Variants in ITPK1 observed in about 807,000 individuals in gnomAD.
The protein encoded by ITPK1 is inositol 1,3,4-trisphosphate 5/6-kinase.
In ITPK1, 21 loss-of-function variants were observed where a neutral mutation model predicts 45.3. The observed-to-expected ratio is 0.46, with a 90% CI of 0.33 to 0.67. ITPK1 has a LOEUF of 0.67. ITPK1 is among the 30% of genes least tolerant of loss of function. The pLI, the probability that ITPK1 is intolerant of heterozygous loss-of-function variation, is 0.02. For missense variants in ITPK1, 474 were observed against 573.5 expected, an observed-to-expected ratio of 0.83 and a Z score of 1.77; for synonymous variants, 258 against 253.6, an observed-to-expected ratio of 1.02 and a Z score of -0.16.
At chr14:93,024,887 A>T (rs1888658255) in intron 3 of ITPK1, among the ~76,000 whole-genome samples, 1 of 152,164 alleles carries the variant, frequency 6.6e-6, no homozygotes, top group Admixed American at 6.5e-5. Flanking sequence ...TGGGCCGACA[A>T]CACAGCTGGC....
chr14:92,981,371 T>C (rs1383183499), intron 5 of ITPK1, among the ~76,000 whole-genome samples: 3 of 152,158 alleles, frequency 2.0e-5, no homozygotes, highest in African/African-American at 7.2e-5. Flanking sequence ...GCAGCACCAA[T>C]AGCCCCCATT....
At chr14:93,105,772 C>T (rs532023483) in intron 2 of ITPK1, among the ~76,000 whole-genome samples, 2 of 149,852 alleles carry the variant, frequency 1.3e-5, no homozygotes, top group East Asian at 3.9e-4. Flanking sequence ...GGCGCGATCT[C>T]GGCTCACTGC....
At chr14:93,064,842 G>A (rs1004108674) in intron 3 of ITPK1, among the ~76,000 whole-genome samples, 1 of 152,218 alleles carries the variant, frequency 6.6e-6, no homozygotes, top group Non-Finnish European at 1.5e-5. Context: ...TCCCAGGGGA[G>A]TTCTTGAGCT....
chr14:93,086,137 G>GT (rs1185231062), intron 2 of ITPK1, among the ~76,000 whole-genome samples: 1 of 152,208 alleles, frequency 6.6e-6, no homozygotes, highest in Non-Finnish European at 1.5e-5. Context: ...AGAAATTCCC[G>GT]TGACATTTCC....
intron 5 of ITPK1, among the ~76,000 whole-genome samples, chr14:92,964,384 G>GGGGAAGTCA (rs939132746): frequency 9.2e-5 from 14 of 152,220 alleles, no homozygotes; most frequent in African/African-American, 2.4e-5. Flanking sequence ...GCACAGGAGA[G>GGGGAAGTCA]GGGAAGTCAG....
rs1243444594 is a variant in ITPK1 at position 92,938,454 on chromosome 14, T to C, written c.*3107A>G. On this transcript the variant is annotated 3_prime_UTR_variant, in exon 11 of 11. Coordinates refer to ENST00000267615, the MANE Select transcript of ITPK1 (RefSeq NM_014216.6). ...GGCAGGCAACAGCTGCTTTGCTCAG[T>C]TGGCTCAAACATGTGACAGCTTCCT... The C allele has an allele frequency of 8.1e-6, 13 of 1,598,646 alleles. No homozygotes were observed. The highest frequency in any genetic ancestry group is 1.1e-5 in the Non-Finnish European group (13 of 1,165,908).
rs373810322 is a variant in ITPK1, at chr14:92,940,909, C to T, written c.*652G>A. The T allele has an allele frequency of 2.0e-4, 255 of 1,287,834 alleles. No homozygotes were observed. Among genetic ancestry groups the T allele is most frequent in the East Asian group, 1.8e-3 (33 of 18,016 alleles). 79.8% of individuals were successfully genotyped at this position (1,287,834 alleles called of 1,614,324 possible). On this transcript the variant is annotated 3_prime_UTR_variant, in exon 11 of 11. Transcript: ENST00000267615. ...GACGTGTGTTGGGGGGCCCAGAGGA[C>T]GCCCAGCTTCCTTTCCTTCCCTTTA... is the stretch of plus-strand genomic sequence containing the variant.
At chr14:93,082,601 C>T (rs1319595175) in intron 2 of ITPK1, among the ~76,000 whole-genome samples, 1 of 152,258 alleles carries the variant, frequency 6.6e-6, no homozygotes, top group Non-Finnish European at 1.5e-5. Flanking sequence ...CCCTGCCACC[C>T]TGCCTTCCTA....
chr14:93,061,229 T>C (rs61991666), intron 3 of ITPK1, among the ~76,000 whole-genome samples: 34 of 152,374 alleles, frequency 2.2e-4, no homozygotes, highest in Middle Eastern at 3.4e-3. Flanking sequence ...TGATAAGTAC[T>C]TTGACACTGT....
chr14:92,999,276 C>A (rs901600035), intron 4 of ITPK1, among the ~76,000 whole-genome samples: 1 of 152,250 alleles, frequency 6.6e-6, no homozygotes, highest in Admixed American at 6.5e-5. Context: ...GCGGGTCCCC[C>A]ACAGCACAGA....
chr14:93,065,352 C>T (rs757074195), intron 3 of ITPK1, among the ~76,000 whole-genome samples: 6 of 152,230 alleles, frequency 3.9e-5, no homozygotes, highest in Non-Finnish European at 8.8e-5. Context: ...CAGACTCACG[C>T]TTCCCTGGGC....
intron 3 of ITPK1, among the ~76,000 whole-genome samples, chr14:93,030,157 C>G (rs1362966612): frequency 6.6e-6 from 1 of 152,232 alleles, no homozygotes; most frequent in Non-Finnish European, 1.5e-5. Context: ...GAGCGGCACC[C>G]CGCATTTACA....
intron 3 of ITPK1, among the ~76,000 whole-genome samples, chr14:93,039,949 G>A (rs776554631): frequency 2.6e-5 from 4 of 152,180 alleles, no homozygotes; most frequent in East Asian, 1.9e-4. Context: ...AGGGTGTCCC[G>A]CTGTGCAGGG....
chr14:93,006,824 C>T (rs1887637897), intron 4 of ITPK1, among the ~76,000 whole-genome samples: 1 of 152,194 alleles, frequency 6.6e-6, no homozygotes, highest in Non-Finnish European at 1.5e-5. Context: ...ACAGCAAACT[C>T]CCCCTTTTTC....
chr14:92,979,915 T>C (rs1486077233), intron 5 of ITPK1, among the ~76,000 whole-genome samples: 3 of 151,906 alleles, frequency 2.0e-5, no homozygotes, highest in Admixed American at 2.0e-4. Flanking sequence ...TAAGTAGCTG[T>C]GATTACAGGC....
intron 2 of ITPK1, among the ~76,000 whole-genome samples, chr14:93,103,516 A>G (rs2140027312): frequency 6.6e-6 from 1 of 152,136 alleles, no homozygotes; most frequent in East Asian, 1.9e-4. Context: ...GTGGTGAGAC[A>G]ACTGCCCTGA....
chr14:93,023,183 C>T (rs377708762), intron 3 of ITPK1, among the ~76,000 whole-genome samples: 10 of 152,336 alleles, frequency 6.6e-5, no homozygotes, highest in East Asian at 3.9e-4. Context: ...CACGGCCTAT[C>T]AGCCCCTTTT....
intron 4 of ITPK1, among the ~76,000 whole-genome samples, chr14:93,003,471 C>T (rs1483666682): frequency 6.6e-6 from 1 of 152,230 alleles, no homozygotes; most frequent in Non-Finnish European, 1.5e-5. Context: ...CCTGGGAAAT[C>T]CACACTAGGC....
chr14:93,098,226 A>C (rs1301994457), intron 2 of ITPK1, among the ~76,000 whole-genome samples: 1 of 151,776 alleles, frequency 6.6e-6, no homozygotes. Flanking sequence ...GGAGGCCAAG[A>C]CAGGCAGATC....
Sources: gnomAD v4.1 joint callset for allele counts (sites outside exome capture counted in the v4.1 genomes callset) on GRCh38, gnomAD v4.1.1 for gene constraint, MANE v1.5 for transcripts, NCBI Gene and HGNC (gene_info 2026-07-23, HGNC 2026-07-21) for gene names.